JMJD1C: variants seen among roughly 807,000 people sequenced by gnomAD.
JMJD1C encodes jumonji domain containing 1C.
A neutral mutation model predicts 245.3 loss-of-function variants in JMJD1C; 31 were observed. That is an observed-to-expected ratio of 0.13 (90% CI 0.09 to 0.17). The LOEUF (loss-of-function observed/expected upper bound fraction) is 0.17, where lower values mean the gene tolerates loss of function less well. Ranked by LOEUF, JMJD1C falls within the 10% of genes least tolerant of loss-of-function variation. JMJD1C has a pLI of 1.00. For missense variants in JMJD1C, 2,691 were observed against 3,000.2 expected, an observed-to-expected ratio of 0.90 and a Z score of 2.41; for synonymous variants, 1,057 against 1,017.4, an observed-to-expected ratio of 1.04 and a Z score of -0.74.
intron 2 of JMJD1C, among the ~76,000 whole-genome samples, chr10:63,308,226 G>A (rs771571133): frequency 1.3e-5 from 2 of 152,000 alleles, no homozygotes; most frequent in Admixed American, 6.6e-5. Flanking sequence ...CATTTTCCCC[G>A]ACTCTGCACC....
chr10:63,346,749 T>C (rs992077235), intron 2 of JMJD1C, among the ~76,000 whole-genome samples: 8 of 152,224 alleles, frequency 5.3e-5, no homozygotes, highest in African/African-American at 1.9e-4. Flanking sequence ...GTAAAATTTG[T>C]CTGAAAGTTT....
intron 3 of JMJD1C, among the ~76,000 whole-genome samples, chr10:63,234,160 G>A (rs1640645710): frequency 6.6e-6 from 1 of 150,892 alleles, no homozygotes; most frequent in African/African-American, 2.4e-5. Flanking sequence ...TTAATCACTT[G>A]AGATCCAGAG....
intron 2 of JMJD1C, among the ~76,000 whole-genome samples, chr10:63,346,593 T>C (rs1943834831): frequency 6.6e-6 from 1 of 152,252 alleles, no homozygotes; most frequent in Admixed American, 6.5e-5. Context: ...AATTCACTTC[T>C]GTACCTCATA....
rs927398945 is a variant in JMJD1C at position 63,189,430 on chromosome 10, C to T, written c.6308G>A (p.Arg2103Gln). The change falls in exon 18 of 26, where the codon CGG becomes CAG. Residue 2103 changes from arginine (R) to glutamine (Q), a missense_variant. Coordinates refer to ENST00000399262, the MANE Select transcript of JMJD1C (RefSeq NM_032776.3). ...GTCATCAAGAATGTTAGGCATAGTCCGTCCACTTTTGCTACTCTATTAAGG... is the reference window on the plus strand; with the variant it reads ...GTCATCAAGAATGTTAGGCATAGTCTGTCCACTTTTGCTACTCTATTAAGG... ...SMGAPSSKSG[R>Q]TMPNILDDII... The T allele has an allele frequency of 1.1e-5, 18 of 1,611,360 alleles. No homozygotes were observed. In the Admixed American group the frequency reaches 1.5e-4, roughly 14 times the overall value.
intron 3 of JMJD1C, among the ~76,000 whole-genome samples, chr10:63,262,067 A>C (rs1238039997): frequency 6.6e-6 from 1 of 152,238 alleles, no homozygotes. Context: ...AAAAAGTGAG[A>C]AAGAAATAAG....
chr10:63,496,051 T>TAA (rs1184553476), intron 1 of JMJD1C, among the ~76,000 whole-genome samples: 1 of 124,470 alleles, frequency 8.0e-6, no homozygotes, highest in East Asian at 2.3e-4. Flanking sequence ...AAAAAAAAAT[T>TAA]AAAAAAAAAA....
At chr10:63,224,250 C>T (rs1848981055) in intron 3 of JMJD1C, among the ~76,000 whole-genome samples, 2 of 152,158 alleles carry the variant, frequency 1.3e-5, no homozygotes, top group African/African-American at 4.8e-5. Flanking sequence ...ATCTATAAAG[C>T]AGAGTTACTA....
intron 2 of JMJD1C, among the ~76,000 whole-genome samples, chr10:63,270,213 C>T (rs1856115005): frequency 2.0e-5 from 3 of 152,106 alleles, no homozygotes; most frequent in Non-Finnish European, 4.4e-5. Context: ...GTTACCCAGG[C>T]TGGAGCGCAG....
At chr10:63,514,702 C>G (rs1954965856) in intron 1 of JMJD1C, among the ~76,000 whole-genome samples, 3 of 151,970 alleles carry the variant, frequency 2.0e-5, no homozygotes, top group African/African-American at 7.3e-5. Context: ...CGGGACCATT[C>G]AGACCCCAAA....
At chr10:63,275,665 A>G (rs1275392536) in intron 2 of JMJD1C, among the ~76,000 whole-genome samples, 1 of 152,222 alleles carries the variant, frequency 6.6e-6, no homozygotes, top group Non-Finnish European at 1.5e-5. Context: ...AGATTAAATG[A>G]TATGTAGAGG....
At chr10:63,399,929 A>AT (rs1412654675) in intron 1 of JMJD1C, among the ~76,000 whole-genome samples, 3 of 152,180 alleles carry the variant, frequency 2.0e-5, no homozygotes, top group East Asian at 1.9e-4. Flanking sequence ...GGTTAATTCC[A>AT]TTTTTTAAAA....
intron 1 of JMJD1C, among the ~76,000 whole-genome samples, chr10:63,429,116 G>A (rs901049407): frequency 2.4e-4 from 37 of 152,098 alleles, no homozygotes; most frequent in Non-Finnish European, 1.5e-5. Flanking sequence ...GGGTAGCTGG[G>A]ATTACAAACA....
At chr10:63,262,862 T>G (rs1359892687) in intron 3 of JMJD1C, among the ~76,000 whole-genome samples, 1 of 152,146 alleles carries the variant, frequency 6.6e-6, no homozygotes, top group African/African-American at 2.4e-5. Flanking sequence ...TCAATCATTG[T>G]AATTTTCAAA....
intron 2 of JMJD1C, among the ~76,000 whole-genome samples, chr10:63,338,656 T>C (rs1161387218): frequency 1.4e-5 from 2 of 147,764 alleles, no homozygotes. Context: ...TTTTTTTTTT[T>C]TTTTTTTTTG....
chr10:63,254,405 T>C (rs561309197), intron 3 of JMJD1C, among the ~76,000 whole-genome samples: 12 of 152,216 alleles, frequency 7.9e-5, no homozygotes, highest in African/African-American at 2.2e-4. Context: ...GTCTTTTATT[T>C]AGGAAAGATA....
intron 3 of JMJD1C, among the ~76,000 whole-genome samples, chr10:63,240,450 G>A (rs1170495874): frequency 6.6e-6 from 1 of 152,224 alleles, no homozygotes; most frequent in Non-Finnish European, 1.5e-5. Flanking sequence ...CAGTAGGACA[G>A]TGATGCACAC....
chr10:63,407,904 T>C (rs1203014665), intron 1 of JMJD1C, among the ~76,000 whole-genome samples: 1 of 151,100 alleles, frequency 6.6e-6, no homozygotes, highest in Non-Finnish European at 1.5e-5. Flanking sequence ...AAAAGGAAGC[T>C]GAAAATTTTT....
At chr10:63,260,823 C>T (rs1243901383) in intron 3 of JMJD1C, among the ~76,000 whole-genome samples, 5 of 152,064 alleles carry the variant, frequency 3.3e-5, no homozygotes, top group Non-Finnish European at 7.4e-5. Flanking sequence ...GAACTCCTGA[C>T]CTCATGATCC....
Position 63,169,521 on chromosome 10 carries a change from G to C in JMJD1C, c.7402-955C>G, listed in dbSNP as rs1399677275. 2.6e-5 allele frequency among the ~76,000 whole-genome samples: 4 copies of C among 152,084 alleles called. No individual in the cohort carries two copies. In the East Asian group the frequency reaches 7.7e-4, roughly 29 times the overall value. On this transcript the variant is annotated intron_variant, in intron 24 of 25. Transcript: ENST00000399262. ...GAGTGAGATGAAAGAGATAGTAAGT[G>C]GGAAATGGAGACTGTGGGGAAAAAA... is the stretch of plus-strand genomic sequence containing the variant.
Sources: gnomAD v4.1 joint callset for allele counts (sites outside exome capture counted in the v4.1 genomes callset) on GRCh38, gnomAD v4.1.1 for gene constraint, MANE v1.5 for transcripts, NCBI Gene and HGNC (gene_info 2026-07-23, HGNC 2026-07-21) for gene names.